The following SUCLG2 variants were observed in gnomAD, a reference collection of about 807,000 sequenced individuals.
The protein encoded by SUCLG2 is succinate-CoA ligase GDP-forming subunit beta.
In SUCLG2, 42 loss-of-function variants were observed where a neutral mutation model predicts 47.9. That is an observed-to-expected ratio of 0.88 (90% CI 0.69 to 1.14). The LOEUF is 1.14. Ranked by LOEUF, SUCLG2 falls within the 50% of genes most tolerant of loss-of-function variation. SUCLG2 has a pLI of 0.00. For missense variants in SUCLG2, 571 were observed against 525.9 expected (o/e 1.09, Z -0.84); for synonymous variants, 195 against 197.3 (o/e 0.99, Z 0.10).
Position 67,541,492 on chromosome 3 carries a change from G to A in SUCLG2, c.227-12306C>T, listed in dbSNP as rs140739731. Among the ~76,000 whole-genome samples the A allele has an allele frequency of 3.9e-3, 589 of 152,214 alleles. 3 individuals carry two copies. Among genetic ancestry groups the A allele is most frequent in the African/African-American group, 0.014 (566 of 41,534 alleles). ...AAAAGAGTGAAAAGCAACAAACAAA[G>A]CCTCCAAAAAATATGGGACTACGTA... On this transcript the variant is annotated intron_variant, in intron 2 of 10. Coordinates refer to ENST00000307227, the MANE Select transcript of SUCLG2 (RefSeq NM_003848.4).
At chr3:67,425,670 A>G (rs4130104) in intron 9 of SUCLG2, among the ~76,000 whole-genome samples, 18,069 of 152,162 alleles carry the variant, frequency 0.12, 1,297 homozygotes, top group African/African-American at 0.19. Context: ...CAGGCCTTCA[A>G]ACTATACCAC....
intron 4 of SUCLG2, among the ~76,000 whole-genome samples, chr3:67,524,370 G>A (rs1706198302): frequency 6.6e-6 from 1 of 152,198 alleles, no homozygotes; most frequent in Non-Finnish European, 1.5e-5. Context: ...CAGGAGATGA[G>A]TGCTAGCGTA....
At chr3:67,434,950 G>C (rs1370226941) in intron 9 of SUCLG2, among the ~76,000 whole-genome samples, 1 of 152,180 alleles carries the variant, frequency 6.6e-6, no homozygotes. Context: ...TTCTTCACCA[G>C]TAACTAATGA....
chr3:67,370,564 C>T (rs1701939434), downstream of SUCLG2, among the ~76,000 whole-genome samples: 1 of 152,074 alleles, frequency 6.6e-6, no homozygotes, highest in African/African-American at 2.4e-5. Context: ...TCCAAGACTC[C>T]CGAGTGAATG....
chr3:67,472,876 G>GATCACATT (rs61163281), intron 9 of SUCLG2, among the ~76,000 whole-genome samples: 14,652 of 152,144 alleles, frequency 0.096, 883 homozygotes, highest in East Asian at 0.2. Context: ...TATCTAAGAT[G>GATCACATT]ATGGTGACAG....
At chr3:67,421,226 G>T (rs144973541) in intron 9 of SUCLG2, among the ~76,000 whole-genome samples, 3 of 152,074 alleles carry the variant, frequency 2.0e-5, no homozygotes, top group Non-Finnish European at 4.4e-5. Context: ...AAGACCCACT[G>T]TCATTAAAGA....
intron 9 of SUCLG2, among the ~76,000 whole-genome samples, chr3:67,477,144 A>G (rs186067493): frequency 7.9e-5 from 12 of 152,260 alleles, no homozygotes; most frequent in South Asian, 2.1e-4. Flanking sequence ...AAGTGGCCGC[A>G]CTGTGGCATC....
intron 9 of SUCLG2, among the ~76,000 whole-genome samples, chr3:67,449,020 T>C (rs1703993095): frequency 6.6e-6 from 1 of 152,214 alleles, no homozygotes; most frequent in Admixed American, 6.5e-5. Context: ...TTTTTTGCTT[T>C]CACAGAAACA....
At chr3:67,609,648 TAA>T (rs1234094026) in intron 1 of SUCLG2, 52 bp from the exon 2 acceptor site, 1 of 1,576,504 alleles carries the variant, frequency 6.3e-7, no homozygotes, top group East Asian at 2.3e-5. Flanking sequence ...GCAAGAAAAA[TAA>T]AAGTCAACCT....
intron 7 of SUCLG2, among the ~76,000 whole-genome samples, chr3:67,500,355 ACTT>A (rs1705463074): frequency 6.6e-6 from 1 of 152,194 alleles, no homozygotes; most frequent in South Asian, 2.1e-4. Flanking sequence ...ATCTAAGAAT[ACTT>A]GTTATAAGTA....
intron 9 of SUCLG2, among the ~76,000 whole-genome samples, chr3:67,472,153 A>G (rs942531311): frequency 6.6e-6 from 1 of 152,242 alleles, no homozygotes; most frequent in Non-Finnish European, 1.5e-5. Context: ...AGGAACAAGC[A>G]AACAACTTCT....
chr3:67,404,966 G>T (rs751629021), intron 9 of SUCLG2, among the ~76,000 whole-genome samples: 6 of 125,912 alleles, frequency 4.8e-5, no homozygotes, highest in Admixed American at 8.7e-5. Context: ...CTGGCAAAGA[G>T]AATTTTTTTT....
intron 10 of SUCLG2, among the ~76,000 whole-genome samples, chr3:67,392,203 G>C (rs543118287): frequency 6.6e-6 from 1 of 152,170 alleles, no homozygotes; most frequent in South Asian, 2.1e-4. Context: ...ACTAGGACCA[G>C]TTTCACTTCA....
intron 10 of SUCLG2, among the ~76,000 whole-genome samples, chr3:67,387,141 A>G (rs557648590): frequency 6.6e-6 from 1 of 152,374 alleles, no homozygotes; most frequent in South Asian, 2.1e-4. Flanking sequence ...GCAAAGCCTA[A>G]TATGAACATT....
intron 2 of SUCLG2, among the ~76,000 whole-genome samples, chr3:67,606,431 C>T (rs1429737578): frequency 1.3e-5 from 2 of 152,168 alleles, no homozygotes; most frequent in Admixed American, 1.3e-4. Flanking sequence ...GTTATACCTG[C>T]AATGCTAGTG....
intron 9 of SUCLG2, among the ~76,000 whole-genome samples, chr3:67,436,058 A>T (rs1703612282): frequency 6.6e-6 from 1 of 152,204 alleles, no homozygotes; most frequent in Admixed American, 6.6e-5. Flanking sequence ...AATTCTAAAA[A>T]AATTAAGGGC....
At chr3:67,615,833 G>A (rs776927081) in intron 1 of SUCLG2, among the ~76,000 whole-genome samples, 2 of 152,034 alleles carry the variant, frequency 1.3e-5, no homozygotes, top group Admixed American at 6.6e-5. Context: ...AGCAAAACAT[G>A]TACCAGAGAT....
At chr3:67,533,276 T>C (rs1250939449) in intron 2 of SUCLG2, among the ~76,000 whole-genome samples, 1 of 152,238 alleles carries the variant, frequency 6.6e-6, no homozygotes, top group Non-Finnish European at 1.5e-5. Context: ...ATTGCTCTTT[T>C]CTAAATTATA....
chr3:67,542,538 A>G (rs1706746935), intron 2 of SUCLG2, among the ~76,000 whole-genome samples: 2 of 152,206 alleles, frequency 1.3e-5, no homozygotes, highest in Admixed American at 1.3e-4. Flanking sequence ...AGGCTGGCAC[A>G]CTGGATAAAG....
Sources: gnomAD v4.1 joint callset for allele counts (sites outside exome capture counted in the v4.1 genomes callset) on GRCh38, gnomAD v4.1.1 for gene constraint, MANE v1.5 for transcripts, NCBI Gene and HGNC (gene_info 2026-07-23, HGNC 2026-07-21) for gene names.